Variants in ZBTB20 observed in about 807,000 individuals in gnomAD.
The protein encoded by ZBTB20 is zinc finger and BTB domain-containing protein 20.
A neutral mutation model predicts 56.9 loss-of-function variants in ZBTB20; 9 were observed. The observed-to-expected ratio is 0.16, with a 90% CI of 0.10 to 0.28. The LOEUF (loss-of-function observed/expected upper bound fraction) is 0.28, where lower values mean the gene tolerates loss of function less well. Ranked by LOEUF, ZBTB20 falls within the 10% of genes least tolerant of loss-of-function variation. The probability of loss-of-function intolerance (pLI) is 1.00; values close to 1 mark genes in which losing one functional copy is unlikely to be tolerated. For missense variants in ZBTB20, 655 were observed against 1,003.0 expected, an observed-to-expected ratio of 0.65 and a Z score of 4.69; for synonymous variants, 417 against 420.7, an observed-to-expected ratio of 0.99 and a Z score of 0.11.
At chr3:114,505,582 A>T (rs1489363040) in intron 6 of ZBTB20, among the ~76,000 whole-genome samples, 1 of 151,964 alleles carries the variant, frequency 6.6e-6, no homozygotes, top group Non-Finnish European at 1.5e-5. Context: ...TTCCTTAACT[A>T]CTCTGTCTAA....
chr3:114,368,759 C>T lies in ZBTB20; in HGVS notation c.199+11458G>A, dbSNP rs368051914. 3.9e-4 allele frequency among the ~76,000 whole-genome samples: 59 copies of T among 152,350 alleles called. No individual in the cohort carries two copies. In the South Asian group the frequency reaches 0.012, roughly 31 times the overall value. ...GGGGCACGCTTTGCCTGTATCACTG[C>T]CCAGTGAAACCAGGCCTGCTTTGCA... On this transcript the variant is annotated intron_variant, in intron 10 of 11. Transcript: ENST00000675478.
chr3:114,721,786 G>A lies in ZBTB20; in HGVS notation c.-342-28211C>T, dbSNP rs375619135. ...TATAATTTGATGACTGACTACATAT[G>A]AGCAATAAATTCGTGGGATTCTTGG... On this transcript the variant is annotated intron_variant, in intron 5 of 11. Coordinates refer to ENST00000675478, the MANE Select transcript of ZBTB20 (RefSeq NM_001348800.3). 5.3e-5 allele frequency among the ~76,000 whole-genome samples: 8 copies of A among 152,220 alleles called. No homozygotes were observed. In the East Asian group the frequency reaches 5.8e-4, roughly 11 times the overall value.
chr3:114,457,194 G>C (rs2092071430), intron 7 of ZBTB20, among the ~76,000 whole-genome samples: 1 of 152,156 alleles, frequency 6.6e-6, no homozygotes, highest in Non-Finnish European at 1.5e-5. Context: ...CAAGAGCTTT[G>C]GAGCAAACAC....
intron 7 of ZBTB20, among the ~76,000 whole-genome samples, chr3:114,491,390 C>A (rs1213336089): frequency 6.6e-6 from 1 of 152,200 alleles, no homozygotes; most frequent in Non-Finnish European, 1.5e-5. Context: ...CCATTTGTCT[C>A]AAGAACGATT....
At chr3:114,521,440 C>G (rs2046624060) in intron 6 of ZBTB20, among the ~76,000 whole-genome samples, 1 of 152,118 alleles carries the variant, frequency 6.6e-6, no homozygotes, top group Non-Finnish European at 1.5e-5. Context: ...AATCACTTTC[C>G]ACTTTATAGC....
At position 114,321,324 on chromosome 3, in the gene ZBTB20, C is replaced by T. The variant is rs1258003506; in HGVS notation, c.*17681G>A. 1 of 152,234 alleles carries T rather than the reference C, an allele frequency of 6.6e-6. No individual in the cohort carries two copies. Among genetic ancestry groups the T allele is most frequent in the Non-Finnish European group, 1.5e-5 (1 of 68,044 alleles). 9.4% of individuals were successfully genotyped at this position (152,234 alleles called of 1,614,324 possible). A position where few individuals can be genotyped will look rare whatever the true frequency, so the allele number is the denominator to read the frequency against. Reference sequence around the variant, plus strand: ...TTGTTTTCTACAATGCATTGGTTTCCTTCTGTTGCGGAGCATTCTTTAGGA... The same window carrying T: ...TTGTTTTCTACAATGCATTGGTTTCTTTCTGTTGCGGAGCATTCTTTAGGA... On this transcript the variant is annotated 3_prime_UTR_variant, in exon 12 of 12. Transcript: ENST00000675478.
chr3:114,945,900 A>G (rs1214119638), intron 3 of ZBTB20, among the ~76,000 whole-genome samples: 2 of 145,416 alleles, frequency 1.4e-5, no homozygotes, highest in Non-Finnish European at 3.0e-5. Context: ...TTATAATATC[A>G]GTCTAAGTAG....
At chr3:115,076,148 A>G (rs910513481) in intron 1 of ZBTB20, among the ~76,000 whole-genome samples, 12 of 152,190 alleles carry the variant, frequency 7.9e-5, no homozygotes, top group African/African-American at 2.9e-4. Flanking sequence ...ATGGATTGGA[A>G]GACTTTAATA....
At chr3:115,139,313 G>A (rs1481502870) in intron 1 of ZBTB20, among the ~76,000 whole-genome samples, 2 of 151,954 alleles carry the variant, frequency 1.3e-5, no homozygotes, top group Non-Finnish European at 2.9e-5. Context: ...CAAAAAGGAT[G>A]AGTCAATTAA....
chr3:114,868,824 A>G (rs988361953), intron 4 of ZBTB20, among the ~76,000 whole-genome samples: 7 of 152,158 alleles, frequency 4.6e-5, no homozygotes, highest in African/African-American at 1.4e-4. Context: ...TTTTACTCTT[A>G]TCATGGCAAC....
intron 7 of ZBTB20, among the ~76,000 whole-genome samples, chr3:114,433,169 T>G (rs1397789405): frequency 6.6e-6 from 1 of 152,170 alleles, no homozygotes; most frequent in Non-Finnish European, 1.5e-5. Flanking sequence ...CCTTCTGCCC[T>G]GTAAGAAGCC....
chr3:114,924,555 G>A lies in ZBTB20; in HGVS notation c.-455-24213C>T, dbSNP rs536014357. Among the ~76,000 whole-genome samples, 5 of 152,262 alleles carry A rather than the reference G, an allele frequency of 3.3e-5. No homozygotes were observed. The East Asian group carries it at 9.6e-4, about 29-fold the overall frequency. On this transcript the variant is annotated intron_variant, in intron 3 of 11. Transcript: ENST00000675478. ...AAAGACTGATGATTGCCAGGGGATG[G>A]TGGTGGAGAAAATAAGGAGATGTTG... is the stretch of plus-strand genomic sequence containing the variant.
rs1205713922 is a variant in ZBTB20, at chr3:114,339,508, C to T, written c.1805-82G>A. On this transcript the variant is annotated intron_variant, in intron 11 of 11. Coordinates refer to ENST00000675478, the MANE Select transcript of ZBTB20 (RefSeq NM_001348800.3). This position sits in a 1 kb window ranked among gnomAD's most constrained non-coding sequence, Gnocchi z 4.2. ...AGAATGAAGGACAGGAAAAACAAGACAACAAAAAAGAAAAATAAAACAATT... is the reference window on the plus strand; with the variant it reads ...AGAATGAAGGACAGGAAAAACAAGATAACAAAAAAGAAAAATAAAACAATT... 9 of 1,416,044 alleles carry T rather than the reference C, an allele frequency of 6.4e-6. No homozygotes were observed. The highest frequency in any genetic ancestry group is 1.4e-5 in the South Asian group (1 of 70,966). The allele number at this position is 1,416,044 out of a possible 1,614,324, so 87.7% of individuals were successfully genotyped here. A position where few individuals can be genotyped will look rare whatever the true frequency, so the allele number is the denominator to read the frequency against.
At position 114,320,254 on chromosome 3, in the gene ZBTB20, CT is replaced by C. The variant is rs1420852825; in HGVS notation, c.*18750del. ...GCTGTTTTTTTCCCTCATGGTTTTG[CT>C]TTGTTTTGTTTCTGATTTTTTAAAC... On this transcript the variant is annotated 3_prime_UTR_variant, in exon 12 of 12. Transcript: ENST00000675478. 6.6e-6 allele frequency: 1 copy of C among 151,764 alleles called. No individual in the cohort carries two copies. Among genetic ancestry groups the C allele is most frequent in the Non-Finnish European group, 1.5e-5 (1 of 67,914 alleles). 9.4% of individuals were successfully genotyped at this position (151,764 alleles called of 1,614,324 possible).
chr3:114,572,116 A>C (rs2053505886), intron 6 of ZBTB20, among the ~76,000 whole-genome samples: 1 of 152,230 alleles, frequency 6.6e-6, no homozygotes, highest in South Asian at 2.1e-4. Context: ...AGATGAGAAA[A>C]CTGAAATTCA....
chr3:114,788,937 T>A (rs2070749293), intron 5 of ZBTB20, among the ~76,000 whole-genome samples: 1 of 152,046 alleles, frequency 6.6e-6, no homozygotes, highest in Non-Finnish European at 1.5e-5. Flanking sequence ...TCAGATCTCA[T>A]GAGACTTATT....
chr3:114,342,623 G>A (rs11920944), intron 11 of ZBTB20, among the ~76,000 whole-genome samples: 58 of 152,222 alleles, frequency 3.8e-4, no homozygotes, highest in African/African-American at 1.2e-3. Flanking sequence ...TACCTGTCTC[G>A]TGAAGGCGTT....
At chr3:115,037,774 T>C (rs544547086) in intron 2 of ZBTB20, among the ~76,000 whole-genome samples, 1 of 152,244 alleles carries the variant, frequency 6.6e-6, no homozygotes, top group African/African-American at 2.4e-5. Context: ...GGGGGAGGAA[T>C]GTGGTTTAAG....
intron 1 of ZBTB20, among the ~76,000 whole-genome samples, chr3:115,088,575 T>G (rs1271043571): frequency 1.3e-5 from 2 of 151,900 alleles, no homozygotes; most frequent in Non-Finnish European, 2.9e-5. Flanking sequence ...TGCATTTTAC[T>G]GCATATCAAT....
Sources: gnomAD v4.1 joint callset for allele counts (sites outside exome capture counted in the v4.1 genomes callset) on GRCh38, gnomAD v4.1.1 for gene constraint, Gnocchi (gnomAD v3.1) non-coding constraint, MANE v1.5 for transcripts, NCBI Gene and HGNC (gene_info 2026-07-23, HGNC 2026-07-21) for gene names.